Variants in NID1 observed in about 807,000 individuals in gnomAD.
NID1 encodes the protein nidogen-1.
Under a neutral mutation model 130.6 loss-of-function variants are expected in NID1, and 76 were observed. That is an observed-to-expected ratio of 0.58 (90% CI 0.48 to 0.70). NID1 has a LOEUF of 0.70. Among genes scored for constraint, NID1 ranks in the 30% least tolerant of loss-of-function variants. NID1 has a pLI of 0.00. For missense variants in NID1, 1,517 were observed against 1,664.8 expected, an observed-to-expected ratio of 0.91 and a Z score of 1.54; for synonymous variants, 665 against 675.1, an observed-to-expected ratio of 0.98 and a Z score of 0.23.
At chr1:235,998,114 A>G (rs1657979003) in intron 12 of NID1, among the ~76,000 whole-genome samples, 1 of 152,222 alleles carries the variant, frequency 6.6e-6, no homozygotes, top group African/African-American at 2.4e-5. Context: ...CTCGCAAAGC[A>G]GACACAGTGA....
Position 235,993,694 on chromosome 1 carries a change from G to T in NID1, c.2706C>A (p.Asp902Glu). 2 of 1,597,418 alleles carry T rather than the reference G, an allele frequency of 1.3e-6. No homozygotes were observed. Among genetic ancestry groups the T allele is most frequent in the Non-Finnish European group, 1.7e-6 (2 of 1,169,438 alleles). ...STGYCWCVDR[D>E]GREVEGTRTR... ...TCCTGGTGCCCTCCACCTCGCGGCC[G>T]TCGCGATCCACGCACCAGCAGTAGC... is the stretch of plus-strand genomic sequence containing the variant. Residue 902 changes from aspartate (D) to glutamate (E), a missense_variant, in exon 13 of 20, where the codon GAC becomes GAA. Coordinates refer to ENST00000264187, the MANE Select transcript of NID1 (RefSeq NM_002508.3).
chr1:236,045,206 CAAAAAAAAA>C (rs201261106), intron 3 of NID1, among the ~76,000 whole-genome samples: 212 of 89,714 alleles, frequency 2.4e-3, no homozygotes, highest in African/African-American at 5.4e-3. Context: ...GGCTCTGTCT[CAAAAAAAAA>C]AAAAAAAAAA....
chr1:235,980,059 A>G (rs778250771), intron 17 of NID1, 114 bp from the exon 18 acceptor site: 46 of 1,213,694 alleles, frequency 3.8e-5, no homozygotes, highest in Non-Finnish European at 5.4e-5. Context: ...TACAATGACA[A>G]GTCCCAGAGA....
intron 12 of NID1, 82 bp from the exon 13 acceptor site, chr1:235,993,954 A>G: frequency 7.5e-7 from 1 of 1,341,808 alleles, no homozygotes; most frequent in South Asian, 1.3e-5. Flanking sequence ...GAGTCCCCGC[A>G]GCTCGCTCAG....
At chr1:236,020,959 T>A (rs1334432099) in intron 9 of NID1, among the ~76,000 whole-genome samples, 2 of 152,218 alleles carry the variant, frequency 1.3e-5, no homozygotes, top group Non-Finnish European at 2.9e-5. Context: ...TGGTTGTGCC[T>A]TCTGAAGTGA....
In NID1 at chr1:235,993,886, AG is replaced by A; in HGVS notation, c.2528-15del. ...TTTTCTCCACCTCTATCAGAGAAAC[AG>A]GCAACAAGAAAGCTGTCAGGTGCGT... On this transcript the variant is annotated splice_polypyrimidine_tract_variant and intron_variant, in intron 12 of 19. Transcript: ENST00000264187. The A allele has an allele frequency of 1.9e-6, 3 of 1,599,696 alleles. No homozygotes were observed. The highest frequency in any genetic ancestry group is 2.6e-6 in the Non-Finnish European group (3 of 1,168,370).
chr1:236,000,710 A>G (rs1381639407), intron 12 of NID1, among the ~76,000 whole-genome samples: 1 of 152,242 alleles, frequency 6.6e-6, no homozygotes. Flanking sequence ...GGTTTACAAG[A>G]AGGAGAACTA....
intron 1 of NID1, among the ~76,000 whole-genome samples, chr1:236,062,478 T>C (rs1371590589): frequency 6.6e-6 from 1 of 151,542 alleles, no homozygotes; most frequent in Non-Finnish European, 1.5e-5. Flanking sequence ...CTACTAAAAA[T>C]ACAAAATTAG....
chr1:236,034,379 A>G (rs1002999221), intron 5 of NID1, among the ~76,000 whole-genome samples: 2 of 147,544 alleles, frequency 1.4e-5, no homozygotes. Context: ...CTGAGATTGC[A>G]CCATTGCACT....
intron 2 of NID1, among the ~76,000 whole-genome samples, chr1:236,047,564 A>G (rs1477210701): frequency 6.6e-6 from 1 of 151,666 alleles, no homozygotes; most frequent in East Asian, 1.9e-4. Flanking sequence ...GCCCACGGAG[A>G]GGCCAACCCT....
chr1:236,051,130 G>C (rs186640740), intron 1 of NID1, among the ~76,000 whole-genome samples: 1 of 152,166 alleles, frequency 6.6e-6, no homozygotes, highest in African/African-American at 2.4e-5. Flanking sequence ...AAAAGGGAGA[G>C]ATTTTGCAAA....
chr1:236,023,781 A>T (rs1054971431), intron 9 of NID1, among the ~76,000 whole-genome samples: 22 of 152,198 alleles, frequency 1.4e-4, no homozygotes, highest in African/African-American at 5.3e-4. Flanking sequence ...TATCATTAAC[A>T]GCTCTGACTT....
chr1:235,989,567 T>C (rs2102797979), intron 14 of NID1, among the ~76,000 whole-genome samples: 1 of 152,336 alleles, frequency 6.6e-6, no homozygotes, highest in South Asian at 2.1e-4. Context: ...AAATGAACAG[T>C]TCCTGTCTTG....
intron 12 of NID1, among the ~76,000 whole-genome samples, chr1:236,008,139 G>C (rs1037519177): frequency 6.6e-6 from 1 of 152,148 alleles, no homozygotes; most frequent in South Asian, 2.1e-4. Flanking sequence ...TCCTCACTCT[G>C]ATATTTTCTA....
chr1:235,984,919 G>A (rs935543199), intron 15 of NID1, among the ~76,000 whole-genome samples: 7 of 152,280 alleles, frequency 4.6e-5, no homozygotes, highest in Non-Finnish European at 1.0e-4. Context: ...GCCGGGCGCC[G>A]TGGCTCACAC....
Position 235,977,696 on chromosome 1 carries a change from C to G in NID1, c.*171G>C. Reference sequence around the variant, plus strand: ...GTGGAGACTTTTCTATTAGAGAAGTCCAGGGTGCATGTTTTGGGGAACAGT... The same window carrying G: ...GTGGAGACTTTTCTATTAGAGAAGTGCAGGGTGCATGTTTTGGGGAACAGT... On this transcript the variant is annotated 3_prime_UTR_variant, in exon 20 of 20. Coordinates refer to ENST00000264187, the MANE Select transcript of NID1 (RefSeq NM_002508.3). The G allele has an allele frequency of 1.5e-6, 1 of 663,162 alleles. No individual in the cohort carries two copies. The highest frequency in any genetic ancestry group is 1.9e-5 in the South Asian group (1 of 53,322). 41.1% of individuals were successfully genotyped at this position (663,162 alleles called of 1,614,324 possible). A position where few individuals can be genotyped will look rare whatever the true frequency, so the allele number is the denominator to read the frequency against.
At position 235,993,724 on chromosome 1, in the gene NID1, G is replaced by A. The variant is rs1657832523; in HGVS notation, c.2676C>T (p.Ser892=). 1.9e-6 allele frequency: 3 copies of A among 1,611,388 alleles called. No homozygotes were observed. The East Asian group carries it at 6.7e-5, about 36-fold the overall frequency. Residue 892 remains serine, a synonymous_variant, in exon 13 of 20, where the codon AGC becomes AGT. Coordinates refer to ENST00000264187, the MANE Select transcript of NID1 (RefSeq NM_002508.3). ...GATCCACGCACCAGCAGTAGCCGGTGCTGCCGTGGCACTGGGTGGGCGCGT... is the reference window on the plus strand; with the variant it reads ...GATCCACGCACCAGCAGTAGCCGGTACTGCCGTGGCACTGGGTGGGCGCGT... ...GHYAPTQCHG[S]TGYCWCVDRD... is the part of the protein sequence containing the mutation.
chr1:236,008,586 C>T (rs1206691575), intron 12 of NID1, among the ~76,000 whole-genome samples: 3 of 152,000 alleles, frequency 2.0e-5, no homozygotes, highest in African/African-American at 4.8e-5. Context: ...CTGTGACCTC[C>T]GCCTCCTGGG....
chr1:236,012,975 T>C (rs1658478269), intron 11 of NID1, among the ~76,000 whole-genome samples: 1 of 152,222 alleles, frequency 6.6e-6, no homozygotes, highest in South Asian at 2.1e-4. Context: ...TCCGCAGTCA[T>C]TTATTCAATC....
Sources: allele counts gnomAD v4.1 joint callset (sites outside exome capture counted in the v4.1 genomes callset), GRCh38; gene constraint gnomAD v4.1.1; transcripts MANE v1.5; gene names NCBI Gene and HGNC (gene_info 2026-07-23, HGNC 2026-07-21).